Variants in TSPEAR observed in about 807,000 individuals in gnomAD.
TSPEAR encodes thrombospondin-type laminin G domain and EAR repeat-containing protein.
A neutral mutation model predicts 71.6 loss-of-function variants in TSPEAR; 69 were observed. That is an observed-to-expected ratio of 0.96 (90% CI 0.79 to 1.18). The LOEUF is 1.18. Ranked by LOEUF, TSPEAR falls within the 50% of genes most tolerant of loss-of-function variation. The pLI is 0.00. For synonymous variants in TSPEAR, 402 were observed against 387.2 expected, an observed-to-expected ratio of 1.04 and a Z score of -0.45; for missense variants, 971 against 894.9, an observed-to-expected ratio of 1.09 and a Z score of -1.09.
At position 44,701,811 on chromosome 21, in the gene TSPEAR, A is replaced by C. The variant is rs114144209; in HGVS notation, c.82+9622T>G. Among the ~76,000 whole-genome samples the C allele has an allele frequency of 2.8e-3, 431 of 151,432 alleles. 4 individuals are homozygous for C. The highest frequency in any genetic ancestry group is 9.9e-3 in the African/African-American group (403 of 40,762). ...TGTAAAGCTCAGTTCCTAACAGGCC[A>C]CGGCTGTAGTGGTCCCCGTCCCGGG... On this transcript the variant is annotated intron_variant, in intron 1 of 11. Transcript: ENST00000323084.
chr21:44,709,831 C>T (rs1988126889), intron 1 of TSPEAR, among the ~76,000 whole-genome samples: 1 of 152,248 alleles, frequency 6.6e-6, no homozygotes, highest in African/African-American at 2.4e-5. Flanking sequence ...CGATCTGAAG[C>T]CCTGGCTGGC....
chr21:44,539,894 T>G, intron 2 of TSPEAR: 1 of 1,614,068 alleles, frequency 6.2e-7, no homozygotes, highest in Non-Finnish European at 8.5e-7. Flanking sequence ...GCAAGCCGGC[T>G]GGCAGCTAGA....
intron 2 of TSPEAR, among the ~76,000 whole-genome samples, chr21:44,544,188 A>G (rs1464547669): frequency 3.3e-5 from 5 of 152,218 alleles, no homozygotes; most frequent in Non-Finnish European, 1.5e-5. Context: ...TTTGCCATCC[A>G]TATTTGTTCT....
intron 11 of TSPEAR, among the ~76,000 whole-genome samples, chr21:44,503,890 G>T (rs1555911503): frequency 1.4e-5 from 2 of 144,974 alleles, no homozygotes; most frequent in African/African-American, 5.3e-5. Flanking sequence ...CCACAGGGGG[G>T]AAGCAATGTG....
chr21:44,501,769 A>C (rs1209374258), intron 11 of TSPEAR, among the ~76,000 whole-genome samples: 8 of 152,082 alleles, frequency 5.3e-5, no homozygotes, highest in African/African-American at 1.9e-4. Context: ...TGTCCCCCCC[A>C]AAAAATAAAT....
intron 9 of TSPEAR, among the ~76,000 whole-genome samples, chr21:44,521,097 A>G (rs918118665): frequency 6.6e-6 from 1 of 152,228 alleles, no homozygotes; most frequent in African/African-American, 2.4e-5. Context: ...AGAAGATTCC[A>G]GAAGGACACC....
chr21:44,709,154 C>T (rs782626053), intron 1 of TSPEAR, among the ~76,000 whole-genome samples: 13 of 152,142 alleles, frequency 8.5e-5, no homozygotes, highest in Non-Finnish European at 1.3e-4. Context: ...ACTGGGTCCT[C>T]AGATGGCTCC....
At chr21:44,702,687 C>A in intron 1 of TSPEAR, 4 of 1,537,118 alleles carry the variant, frequency 2.6e-6, no homozygotes, top group Middle Eastern at 1.7e-4. Context: ...CACCCGCCTT[C>A]TCCTGCCAGC....
At chr21:44,654,403 C>T (rs1555942089) in intron 1 of TSPEAR, 6 of 1,614,190 alleles carry the variant, frequency 3.7e-6, no homozygotes, top group Middle Eastern at 1.7e-4. Flanking sequence ...CACAGGCACA[C>T]AGCAGGCCAC....
intron 1 of TSPEAR, among the ~76,000 whole-genome samples, chr21:44,688,515 T>C (rs1400827160): frequency 6.6e-6 from 1 of 152,114 alleles, no homozygotes; most frequent in African/African-American, 2.4e-5. Flanking sequence ...GGTCAGGAGA[T>C]GGAGACCATC....
chr21:44,581,040 T>C (rs1476162537), intron 1 of TSPEAR, among the ~76,000 whole-genome samples: 1 of 152,194 alleles, frequency 6.6e-6, no homozygotes, highest in Non-Finnish European at 1.5e-5. Context: ...TAGAAAAATA[T>C]GCATTTCTTA....
chr21:44,699,889 G>A (rs956547500), intron 1 of TSPEAR, among the ~76,000 whole-genome samples: 10 of 152,148 alleles, frequency 6.6e-5, no homozygotes, highest in Non-Finnish European at 1.3e-4. Flanking sequence ...CTGACCGGCT[G>A]GGGCAGCTGG....
chr21:44,557,672 G>C (rs142447126), intron 2 of TSPEAR: 1 of 263,118 alleles, frequency 3.8e-6, no homozygotes, highest in East Asian at 8.5e-5. Context: ...GACTGCCTCC[G>C]CCCCTGGTGC....
rs1555911895 is a variant in TSPEAR at position 44,506,191 on chromosome 21, T to G, written c.1755-1310A>C. 6.6e-6 allele frequency among the ~76,000 whole-genome samples: 1 copy of G among 152,230 alleles called. No individual in the cohort carries two copies. The highest frequency in any genetic ancestry group is 1.5e-5 in the Non-Finnish European group (1 of 68,042). ...CTGTCTTAGGAGTCTCACCTGAATT[T>G]ACCAAGGATGCATCTGTGCTTGGGG... is the stretch of plus-strand genomic sequence containing the variant. On this transcript the variant is annotated intron_variant, in intron 10 of 11. Coordinates refer to ENST00000323084, the MANE Select transcript of TSPEAR (RefSeq NM_144991.3). This position sits in a 1 kb window ranked among gnomAD's most constrained non-coding sequence, Gnocchi z 4.2.
chr21:44,514,828 G>T (rs1411999086), intron 9 of TSPEAR, among the ~76,000 whole-genome samples: 1 of 152,152 alleles, frequency 6.6e-6, no homozygotes, highest in Middle Eastern at 3.2e-3. Context: ...GCGGAAGAAT[G>T]GGACATCAAA....
At chr21:44,676,551 C>A in intron 1 of TSPEAR, 1 of 734,538 alleles carries the variant, frequency 1.4e-6, no homozygotes, top group Non-Finnish European at 2.5e-6. Context: ...TGTGAACTTG[C>A]TCTTGACTTA....
At chr21:44,547,912 C>T (rs984542052) in intron 2 of TSPEAR, among the ~76,000 whole-genome samples, 2 of 152,228 alleles carry the variant, frequency 1.3e-5, no homozygotes, top group African/African-American at 4.8e-5. Flanking sequence ...GGTGCCCCAT[C>T]ATGGGCATGC....
chr21:44,512,469 T>G (rs1555912844), intron 9 of TSPEAR, among the ~76,000 whole-genome samples: 1 of 151,622 alleles, frequency 6.6e-6, no homozygotes, highest in Non-Finnish European at 1.5e-5. Context: ...GGGAGACCAC[T>G]CAGAGAACCT....
intron 1 of TSPEAR, chr21:44,591,457 A>G: frequency 6.2e-7 from 1 of 1,614,010 alleles, no homozygotes; most frequent in Non-Finnish European, 8.5e-7. Context: ...GCGGCAGAGG[A>G]GGGAAACACA....
Sources: gnomAD v4.1 joint callset for allele counts (sites outside exome capture counted in the v4.1 genomes callset) on GRCh38, gnomAD v4.1.1 for gene constraint, Gnocchi (gnomAD v3.1) non-coding constraint, MANE v1.5 for transcripts, NCBI Gene and HGNC (gene_info 2026-07-23, HGNC 2026-07-21) for gene names.